TSC22D1: variants seen among roughly 807,000 people sequenced by gnomAD.
The protein encoded by TSC22D1 is TSC22 domain family member 1.
In TSC22D1, 9 loss-of-function variants were observed where a neutral mutation model predicts 74.2. That is an observed-to-expected ratio of 0.12 (90% CI 0.07 to 0.21). TSC22D1 has a LOEUF of 0.21. Among genes scored for constraint, TSC22D1 ranks in the 10% least tolerant of loss-of-function variants. TSC22D1 has a pLI of 1.00. For missense variants in TSC22D1, 1,427 were observed against 1,304.7 expected (o/e 1.09, Z -1.44); for synonymous variants, 586 against 492.5 (o/e 1.19, Z -2.51).
At chr13:44,480,512 G>A (rs969311130) in intron 1 of TSC22D1, among the ~76,000 whole-genome samples, 3 of 152,294 alleles carry the variant, frequency 2.0e-5, no homozygotes, top group South Asian at 2.1e-4. Flanking sequence ...AGGCAGCAGC[G>A]ATCCCAGGAC....
At chr13:44,492,584 A>C (rs1383421807) in intron 1 of TSC22D1, among the ~76,000 whole-genome samples, 1 of 152,164 alleles carries the variant, frequency 6.6e-6, no homozygotes, top group Non-Finnish European at 1.5e-5. Context: ...GGATATGTAC[A>C]TATCTAGGTA....
intron 1 of TSC22D1, among the ~76,000 whole-genome samples, chr13:44,524,652 T>A (rs1436936859): frequency 2.0e-5 from 3 of 152,148 alleles, no homozygotes; most frequent in Non-Finnish European, 2.9e-5. Context: ...ATTCAAGCAA[T>A]TCTCCTGCCT....
At chr13:44,454,062 CA>C (rs2138922445) in intron 1 of TSC22D1, among the ~76,000 whole-genome samples, 1 of 152,254 alleles carries the variant, frequency 6.6e-6, no homozygotes, top group South Asian at 2.1e-4. Flanking sequence ...GGTGACAAAG[CA>C]TAAGTTCCAT....
intron 1 of TSC22D1, among the ~76,000 whole-genome samples, chr13:44,554,898 T>C (rs750959998): frequency 1.8e-4 from 28 of 152,154 alleles, no homozygotes; most frequent in Admixed American, 7.9e-4. Flanking sequence ...TTCTCATGTG[T>C]TAAGCCTAAT....
chr13:44,492,199 A>G (rs1407475912), intron 1 of TSC22D1, among the ~76,000 whole-genome samples: 1 of 152,170 alleles, frequency 6.6e-6, no homozygotes, highest in African/African-American at 2.4e-5. Flanking sequence ...TTAAATAGCT[A>G]GCTTACTGAA....
At chr13:44,456,134 C>G (rs370299625) in intron 1 of TSC22D1, among the ~76,000 whole-genome samples, 1 of 152,170 alleles carries the variant, frequency 6.6e-6, no homozygotes, top group South Asian at 2.1e-4. Context: ...CGTGGACCCT[C>G]GCAGTGAGTG....
chr13:44,527,799 T>G (rs1880621068), intron 1 of TSC22D1, among the ~76,000 whole-genome samples: 1 of 152,086 alleles, frequency 6.6e-6, no homozygotes, highest in African/African-American at 2.4e-5. Flanking sequence ...ATATGTTGGC[T>G]ACAAGAAACC....
In TSC22D1 at chr13:44,472,605, C is replaced by T. The variant is rs952566559; in HGVS notation, c.2913-36510G>A. ...CTGAGGTGGGCAGATCACTTGAGTCCGGGAATTTGAGACCACCCTGGACAA... is the reference window on the plus strand; with the variant it reads ...CTGAGGTGGGCAGATCACTTGAGTCTGGGAATTTGAGACCACCCTGGACAA... On this transcript the variant is annotated intron_variant, in intron 1 of 2. Transcript: ENST00000458659. 7.2e-5 allele frequency among the ~76,000 whole-genome samples: 11 copies of T among 152,084 alleles called. 1 individual carries two copies. The highest frequency in any genetic ancestry group is 4.1e-4 in the South Asian group (2 of 4,822).
intron 1 of TSC22D1, among the ~76,000 whole-genome samples, chr13:44,503,321 A>AT (rs769731984): frequency 9.3e-5 from 14 of 150,682 alleles, no homozygotes; most frequent in Non-Finnish European, 1.5e-4. Flanking sequence ...GATATCCTAA[A>AT]GTACACAGAA....
rs1239319580 is a variant in TSC22D1 at position 44,573,287 on chromosome 13, CACT to C, written c.2785_2787del (p.Ser929del). 1.2e-6 allele frequency: 2 copies of C among 1,614,126 alleles called. No individual in the cohort carries two copies. Among genetic ancestry groups the C allele is most frequent in the East Asian group, 2.2e-5 (1 of 44,898 alleles). ...ACTGCTGACATTCCCCCACTGTCAC[CACT>C]GATAGTCTGAGGTAAGCCAACTAAG... On this transcript the variant is annotated inframe_deletion, in exon 1 of 3. Transcript: ENST00000458659.
intron 1 of TSC22D1, among the ~76,000 whole-genome samples, chr13:44,559,204 G>A (rs1026141623): frequency 1.3e-5 from 2 of 152,146 alleles, no homozygotes; most frequent in African/African-American, 4.8e-5. Context: ...AAAAGAGGAA[G>A]AAAAGGAAAG....
At chr13:44,473,532 C>A (rs1246572218) in intron 1 of TSC22D1, among the ~76,000 whole-genome samples, 2 of 151,940 alleles carry the variant, frequency 1.3e-5, no homozygotes, top group African/African-American at 4.8e-5. Flanking sequence ...AAAAATAAAA[C>A]TGTACAATTG....
At chr13:44,497,547 C>T (rs1879031610) in intron 1 of TSC22D1, among the ~76,000 whole-genome samples, 1 of 152,134 alleles carries the variant, frequency 6.6e-6, no homozygotes, top group African/African-American at 2.4e-5. Context: ...AATGTCACCT[C>T]AATTTAAAAA....
intron 1 of TSC22D1, among the ~76,000 whole-genome samples, chr13:44,464,622 G>GT (rs1253260644): frequency 6.6e-6 from 1 of 152,176 alleles, no homozygotes; most frequent in Non-Finnish European, 1.5e-5. Flanking sequence ...GGTTCACAGG[G>GT]TTTTTTCCTT....
At chr13:44,541,100 G>A (rs941274293) in intron 1 of TSC22D1, among the ~76,000 whole-genome samples, 1 of 152,140 alleles carries the variant, frequency 6.6e-6, no homozygotes, top group Non-Finnish European at 1.5e-5. Context: ...TTACCTGTTA[G>A]TGGAACGAGG....
At chr13:44,436,668 G>C (rs41305030) in intron 1 of TSC22D1, 19,165 of 1,598,082 alleles carry the variant, frequency 0.012, 144 homozygotes, top group Non-Finnish European at 0.014. Flanking sequence ...AAAAAAGAGG[G>C]AACACCAGCA....
intron 1 of TSC22D1, chr13:44,451,650 T>A (rs142828850): frequency 6.6e-6 from 1 of 152,226 alleles, no homozygotes; most frequent in Admixed American, 6.5e-5. Context: ...AAACAAACCA[T>A]GACATGCATA....
In TSC22D1 at chr13:44,575,738, T is replaced by C. The variant is rs1288459890; in HGVS notation, c.337A>G (p.Ile113Val). The C allele has an allele frequency of 6.2e-7, 1 of 1,614,208 alleles. No individual in the cohort carries two copies. Among genetic ancestry groups the C allele is most frequent in the Non-Finnish European group, 8.5e-7 (1 of 1,180,026 alleles). The stretch of plus-strand genomic sequence containing the variant: ...ATCTGAGCAGGAGTAACGCTAGTTA[T>C]CTGGAAGCCACTTTTCTTTTTCATT... ...TQMKKKSGFQ[I>V]TSVTPAQISA... Residue 113 changes from isoleucine to valine, a missense_variant, in exon 1 of 3, where the codon ATA becomes GTA. Transcript: ENST00000458659.
chr13:44,447,868 G>A (rs1875816233), intron 1 of TSC22D1, among the ~76,000 whole-genome samples: 1 of 141,422 alleles, frequency 7.1e-6, no homozygotes, highest in Non-Finnish European at 1.5e-5. Flanking sequence ...TGGTAAGGGA[G>A]ACTTTAAGAG....
Sources: gnomAD v4.1 joint callset for allele counts (sites outside exome capture counted in the v4.1 genomes callset) on GRCh38, gnomAD v4.1.1 for gene constraint, MANE v1.5 for transcripts, NCBI Gene and HGNC (gene_info 2026-07-23, HGNC 2026-07-21) for gene names.